CEP63: variants seen among roughly 807,000 people sequenced by gnomAD.
CEP63 encodes centrosomal protein 63, also known as centrosomal protein of 63 kDa.
A neutral mutation model predicts 89.1 loss-of-function variants in CEP63; 84 were observed. That is an observed-to-expected ratio of 0.94 (90% CI 0.79 to 1.13). CEP63 has a LOEUF of 1.13. CEP63 is among the 50% of genes most tolerant of loss of function. CEP63 has a pLI of 0.00. For synonymous variants in CEP63, 267 were observed against 272.5 expected, an observed-to-expected ratio of 0.98 and a Z score of 0.20; for missense variants, 838 against 813.3, an observed-to-expected ratio of 1.03 and a Z score of -0.37.
the CEP63 span, among the ~76,000 whole-genome samples, chr3:134,733,590 A>T: frequency 1.3e-5 from 2 of 152,162 alleles, no homozygotes; most frequent in Non-Finnish European, 2.9e-5. Flanking sequence ...CATTATAGAA[A>T]AAGGAGAGGC....
chr3:134,688,232 A>G, the CEP63 span, among the ~76,000 whole-genome samples: 1 of 152,256 alleles, frequency 6.6e-6, no homozygotes, highest in South Asian at 2.1e-4. Context: ...CTATTTTGCA[A>G]CAAAGAGGAA....
At chr3:134,684,677 G>T in the CEP63 span, among the ~76,000 whole-genome samples, 1 of 152,230 alleles carries the variant, frequency 6.6e-6, no homozygotes, top group African/African-American at 2.4e-5. Flanking sequence ...GTGCCCATCT[G>T]TTGCAACTTT....
chr3:134,558,809 C>A (rs1253397106), intron 13 of CEP63, among the ~76,000 whole-genome samples: 1 of 152,202 alleles, frequency 6.6e-6, no homozygotes, highest in Non-Finnish European at 1.5e-5. Context: ...GACACCCTCA[C>A]CTCCACTCCT....
chr3:134,565,207 C>T (rs140064786), downstream of CEP63, among the ~76,000 whole-genome samples: 696 of 152,252 alleles, frequency 4.6e-3, 3 homozygotes, highest in Middle Eastern at 6.8e-3. Context: ...ATCTGGATTC[C>T]TACGCAGATT....
the CEP63 span, chr3:134,603,486 CAGT>C: frequency 8.9e-7 from 1 of 1,119,066 alleles, no homozygotes; most frequent in Non-Finnish European, 1.3e-6. Context: ...CATGCAGACT[CAGT>C]GGTGTCCAGG....
downstream of CEP63, among the ~76,000 whole-genome samples, chr3:134,591,127 T>C (rs1014677398): frequency 1.3e-5 from 2 of 152,210 alleles, no homozygotes; most frequent in Non-Finnish European, 2.9e-5. Context: ...CTTATTCTAC[T>C]CTCACCCTTG....
At chr3:134,507,433 G>A (rs1435425782) in intron 3 of CEP63, 147 bp downstream of exon 3, 1 of 629,710 alleles carries the variant, frequency 1.6e-6, no homozygotes, top group Non-Finnish European at 2.7e-6. Context: ...TATTTTAGAA[G>A]AAAAATTCAT....
chr3:134,642,639 A>C, the CEP63 span, among the ~76,000 whole-genome samples: 2 of 152,200 alleles, frequency 1.3e-5, no homozygotes, highest in African/African-American at 4.8e-5. Flanking sequence ...TGCTGTGGCA[A>C]ACTCACTGGG....
At chr3:134,527,059 G>A (rs1256258527) in intron 3 of CEP63, among the ~76,000 whole-genome samples, 1 of 152,174 alleles carries the variant, frequency 6.6e-6, no homozygotes, top group East Asian at 1.9e-4. Context: ...TCATAGTGTG[G>A]TGACAGTGGG....
At chr3:134,643,433 C>T in the CEP63 span, 1 of 1,479,476 alleles carries the variant, frequency 6.8e-7, no homozygotes, top group African/African-American at 1.4e-5. Context: ...TTTCCCCAGG[C>T]AGAGCAAAGA....
chr3:134,587,040 A>G (rs901273213), intron 10 of CEP63, among the ~76,000 whole-genome samples: 1 of 152,148 alleles, frequency 6.6e-6, no homozygotes, highest in Non-Finnish European at 1.5e-5. Flanking sequence ...TTTCAGCTCC[A>G]TCAGGTCATT....
At chr3:134,773,184 A>G in the CEP63 span, among the ~76,000 whole-genome samples, 1 of 152,096 alleles carries the variant, frequency 6.6e-6, no homozygotes, top group African/African-American at 2.4e-5. Context: ...CTCCTCCCCC[A>G]TCCAAGGCTG....
At chr3:134,708,698 A>G in the CEP63 span, among the ~76,000 whole-genome samples, 13 of 152,342 alleles carry the variant, frequency 8.5e-5, no homozygotes, top group East Asian at 1.5e-3. Flanking sequence ...AAGAGAGGAT[A>G]TGGGGAGAAG....
At chr3:134,641,056 T>C in the CEP63 span, 2 of 152,558 alleles carry the variant, frequency 1.3e-5, no homozygotes, top group African/African-American at 4.8e-5. Flanking sequence ...AATTTCCTGC[T>C]CCTTGAACAT....
the CEP63 span, among the ~76,000 whole-genome samples, chr3:134,650,450 G>T: frequency 2.6e-5 from 4 of 152,182 alleles, no homozygotes; most frequent in East Asian, 1.9e-4. Context: ...TGTGCTGTGG[G>T]GGGGAGCAGG....
the CEP63 span, chr3:134,610,624 G>GCTC: frequency 2.1e-6 from 1 of 465,430 alleles, no homozygotes; most frequent in Non-Finnish European, 3.8e-6. Flanking sequence ...TCCGCTGTCT[G>GCTC]CTCCTCCCCT....
At chr3:134,724,324 T>C in the CEP63 span, among the ~76,000 whole-genome samples, 1 of 152,230 alleles carries the variant, frequency 6.6e-6, no homozygotes, top group Non-Finnish European at 1.5e-5. Flanking sequence ...GCCAAAGGCT[T>C]TTCTGGTATC....
chr3:134,631,877 G>A, the CEP63 span, among the ~76,000 whole-genome samples: 272 of 152,106 alleles, frequency 1.8e-3, 1 homozygote, highest in African/African-American at 6.3e-3. Context: ...CACACTAATT[G>A]AAAAATAGAG....
the CEP63 span, among the ~76,000 whole-genome samples, chr3:134,656,326 G>A: frequency 2.0e-5 from 3 of 152,202 alleles, no homozygotes; most frequent in Admixed American, 2.0e-4. Flanking sequence ...AGAAAAACGC[G>A]TGTCTCAGGA....
Sources: allele counts gnomAD v4.1 joint callset (sites outside exome capture counted in the v4.1 genomes callset), GRCh38; gene constraint gnomAD v4.1.1; transcripts MANE v1.5; gene names NCBI Gene and HGNC (gene_info 2026-07-23, HGNC 2026-07-21).